SNX9: variants seen among roughly 807,000 people sequenced by gnomAD.
The protein encoded by SNX9 is sorting nexin 9, also known as sorting nexin-9.
SNX9 carries 44 observed loss-of-function variants against 89.4 expected under a neutral mutation model. The observed-to-expected ratio is 0.49, with a 90% confidence interval of 0.39 to 0.63. The LOEUF (loss-of-function observed/expected upper bound fraction) is 0.63. SNX9 is among the 30% of genes least tolerant of loss of function. SNX9 has a pLI of 0.00. For synonymous variants in SNX9, 236 were observed against 247.8 expected, an observed-to-expected ratio of 0.95 and a Z score of 0.45; for missense variants, 578 against 736.1, an observed-to-expected ratio of 0.79 and a Z score of 2.49.
chr6:157,898,160 G>A lies in SNX9; in HGVS notation c.472+1162G>A, dbSNP rs151021517. On this transcript the variant is annotated intron_variant, in intron 5 of 17. Transcript: ENST00000392185. ...TTTCTTACCTCACAATACCACTCTG[G>A]GTCATTGAGTTGAAAATAGATTTTA... is the stretch of plus-strand genomic sequence containing the variant. Among the ~76,000 whole-genome samples, 51 of 152,312 alleles carry A rather than the reference G, an allele frequency of 3.3e-4. No homozygotes were observed. The East Asian group carries it at 9.8e-3, about 29-fold the overall frequency.
intron 10 of SNX9, among the ~76,000 whole-genome samples, chr6:157,925,776 T>TCTG (rs1437255681): frequency 6.6e-6 from 1 of 152,014 alleles, no homozygotes; most frequent in Non-Finnish European, 1.5e-5. Flanking sequence ...GCGTAGGTGG[T>TCTG]AAAACTCTAA....
intron 1 of SNX9, among the ~76,000 whole-genome samples, chr6:157,866,698 T>TA (rs1562598528): frequency 3.9e-5 from 6 of 152,212 alleles, no homozygotes. Flanking sequence ...ACCCAAATCT[T>TA]AAATTTCTGA....
intron 1 of SNX9, among the ~76,000 whole-genome samples, chr6:157,832,200 T>C (rs896351317): frequency 6.6e-6 from 1 of 152,238 alleles, no homozygotes; most frequent in African/African-American, 2.4e-5. Flanking sequence ...ACAGGGACAG[T>C]ACTCAGAAGT....
intron 1 of SNX9, among the ~76,000 whole-genome samples, chr6:157,843,828 G>A (rs186383699): frequency 6.6e-5 from 10 of 150,378 alleles, no homozygotes; most frequent in East Asian, 2.0e-4. Flanking sequence ...TCAAAGCATC[G>A]TGAGTACAGA....
intron 2 of SNX9, among the ~76,000 whole-genome samples, chr6:157,870,343 C>T (rs1782373227): frequency 2.0e-5 from 3 of 151,658 alleles, no homozygotes; most frequent in South Asian, 4.2e-4. Flanking sequence ...CTCACACTCA[C>T]ACTCATGCTC....
intron 4 of SNX9, among the ~76,000 whole-genome samples, chr6:157,888,624 T>A (rs944080231): frequency 6.6e-5 from 10 of 151,518 alleles, no homozygotes; most frequent in African/African-American, 2.5e-4. Context: ...AGTCACCACC[T>A]TCTTCTCCTT....
intron 2 of SNX9, among the ~76,000 whole-genome samples, chr6:157,870,206 G>A (rs1288985341): frequency 6.7e-6 from 1 of 149,008 alleles, no homozygotes; most frequent in Non-Finnish European, 1.5e-5. Context: ...ATACACATAT[G>A]CACTCACACA....
intron 1 of SNX9, among the ~76,000 whole-genome samples, chr6:157,851,924 C>T (rs138199544): frequency 6.6e-6 from 1 of 152,108 alleles, no homozygotes; most frequent in African/African-American, 2.4e-5. Flanking sequence ...TTTCAATTAG[C>T]GTAATGTTTT....
At chr6:157,886,133 T>C (rs893692705) in intron 4 of SNX9, among the ~76,000 whole-genome samples, 3 of 152,168 alleles carry the variant, frequency 2.0e-5, no homozygotes, top group Non-Finnish European at 4.4e-5. Context: ...GGCCATGTCT[T>C]AGCTGCTTAC....
intron 5 of SNX9, 66 bp downstream of exon 5, chr6:157,897,064 C>A (rs1032897639): frequency 6.9e-7 from 1 of 1,458,676 alleles, no homozygotes; most frequent in Non-Finnish European, 9.2e-7. Context: ...CAGGGAAGAC[C>A]GAACTGTTTT....
intron 4 of SNX9, among the ~76,000 whole-genome samples, chr6:157,887,307 G>A (rs1222503765): frequency 6.6e-6 from 1 of 152,154 alleles, no homozygotes; most frequent in Non-Finnish European, 1.5e-5. Context: ...TTTCCATCTA[G>A]GCTGGTGGGA....
At chr6:157,939,560 G>A (rs551246196) in intron 16 of SNX9, among the ~76,000 whole-genome samples, 1 of 152,306 alleles carries the variant, frequency 6.6e-6, no homozygotes, top group South Asian at 2.1e-4. Flanking sequence ...GCCTAAAGAT[G>A]TGGTACTGGG....
intron 4 of SNX9, among the ~76,000 whole-genome samples, chr6:157,884,502 TATA>T (rs1280017155): frequency 1.3e-5 from 2 of 152,234 alleles, no homozygotes; most frequent in Non-Finnish European, 2.9e-5. Context: ...ACATAAGTCT[TATA>T]ATGCCTTAGA....
intron 1 of SNX9, among the ~76,000 whole-genome samples, chr6:157,867,087 T>C (rs1483304301): frequency 6.6e-6 from 1 of 152,116 alleles, no homozygotes; most frequent in East Asian, 1.9e-4. Flanking sequence ...TAGCTGGTAC[T>C]ACAGGTGCTG....
At chr6:157,933,340 A>G (rs1212070237) in intron 13 of SNX9, among the ~76,000 whole-genome samples, 1 of 152,212 alleles carries the variant, frequency 6.6e-6, no homozygotes, top group Admixed American at 6.5e-5. Context: ...GGCACCTATT[A>G]AATCTGTTAT....
intron 4 of SNX9, among the ~76,000 whole-genome samples, chr6:157,879,063 C>T (rs552709769): frequency 6.6e-6 from 1 of 152,134 alleles, no homozygotes; most frequent in South Asian, 2.1e-4. Context: ...TCATACAAAG[C>T]GAGGGAAAGG....
At position 157,921,968 on chromosome 6, in the gene SNX9, C is replaced by G. The variant is rs568786071; in HGVS notation, c.1080+307C>G. Among the ~76,000 whole-genome samples, 11 of 152,212 alleles carry G rather than the reference C, an allele frequency of 7.2e-5. 1 individual carries two copies. The South Asian group carries it at 2.3e-3, about 32-fold the overall frequency. On this transcript the variant is annotated intron_variant, in intron 10 of 17. Transcript: ENST00000392185. ...GTTTTTAAAAATAGGAGGATAGGCC[C>G]CAAACTCTGAAGGTATTATCAGCAT...
chr6:157,942,736 T>C, intron 17 of SNX9, 55 bp from the exon 18 acceptor site: 2 of 1,566,358 alleles, frequency 1.3e-6, no homozygotes, highest in South Asian at 2.2e-5. Context: ...AAGAACACTG[T>C]GAGGTCGTAA....
chr6:157,880,447 T>A (rs562068359), intron 4 of SNX9, among the ~76,000 whole-genome samples: 59 of 152,334 alleles, frequency 3.9e-4, no homozygotes, highest in Admixed American at 3.7e-3. Context: ...TTCTCTTTGA[T>A]TTGCCCAATT....
Sources: allele counts gnomAD v4.1 joint callset (sites outside exome capture counted in the v4.1 genomes callset), GRCh38; gene constraint gnomAD v4.1.1; transcripts MANE v1.5; gene names NCBI Gene and HGNC (gene_info 2026-07-23, HGNC 2026-07-21).